ASAP2: variants seen among roughly 807,000 people sequenced by gnomAD.
ASAP2 encodes the protein ArfGAP with SH3 domain, ankyrin repeat and PH domain 2.
In ASAP2, 45 loss-of-function variants were observed where a neutral mutation model predicts 131.4. The ratio of observed to expected loss-of-function variants is 0.34; its 90% confidence interval spans 0.27 to 0.44. The LOEUF (loss-of-function observed/expected upper bound fraction) is 0.44. ASAP2 is among the 20% of genes least tolerant of loss of function. The pLI, the probability that ASAP2 is intolerant of heterozygous loss-of-function variation, is 1.00. For missense variants in ASAP2, 1,011 were observed against 1,297.0 expected (o/e 0.78, Z 3.39); for synonymous variants, 510 against 503.0 (o/e 1.01, Z -0.19).
chr2:9,374,483 AAC>A (rs1218311828), intron 16 of ASAP2, among the ~76,000 whole-genome samples: 3 of 152,178 alleles, frequency 2.0e-5, no homozygotes, highest in Non-Finnish European at 4.4e-5. Flanking sequence ...CAGATCACAG[AAC>A]TTAGGAGTGA....
Position 9,396,826 on chromosome 2 carries a change from A to C in ASAP2, c.2684+3179A>C, listed in dbSNP as rs183334131. Among the ~76,000 whole-genome samples, 11 of 152,234 alleles carry C rather than the reference A, an allele frequency of 7.2e-5. No individual in the cohort carries two copies. The East Asian group carries it at 2.1e-3, about 29-fold the overall frequency. On this transcript the variant is annotated intron_variant, in intron 24 of 27. Transcript: ENST00000281419. Reference sequence around the variant, plus strand: ...AGACCTGCATGGCCAACATGGCAAAACCCTATCTCTACTAAAATTACAAAA... The same window carrying C: ...AGACCTGCATGGCCAACATGGCAAACCCCTATCTCTACTAAAATTACAAAA...
chr2:9,334,442 G>C (rs1055675884), intron 7 of ASAP2, among the ~76,000 whole-genome samples: 3 of 152,022 alleles, frequency 2.0e-5, no homozygotes. Flanking sequence ...GGCCTTTCTG[G>C]CTTCAGATGC....
rs1042401284 is a variant in ASAP2 at position 9,279,242 on chromosome 2, C to T, written c.127-75C>T. 9.3e-6 allele frequency: 13 copies of T among 1,404,622 alleles called. No individual in the cohort carries two copies. In the African/African-American group the frequency reaches 1.4e-4, roughly 15 times the overall value. 87.0% of individuals were successfully genotyped at this position (1,404,622 alleles called of 1,614,324 possible). A position where few individuals can be genotyped will look rare whatever the true frequency, so the allele number is the denominator to read the frequency against. ...GACCTGGCAGAGGCAATCAGAGTGGCACTCAACGTGGTGCTCGCTGCTAGC... is the reference window on the plus strand; with the variant it reads ...GACCTGGCAGAGGCAATCAGAGTGGTACTCAACGTGGTGCTCGCTGCTAGC... On this transcript the variant is annotated intron_variant, in intron 1 of 27. Transcript: ENST00000281419.
At position 9,376,958 on chromosome 2, in the gene ASAP2, C is replaced by G. The variant is rs1674451467; in HGVS notation, c.1797C>G (p.Thr599=). The G allele has an allele frequency of 6.2e-7, 1 of 1,614,114 alleles. No individual in the cohort carries two copies. The highest frequency in any genetic ancestry group is 8.5e-7 in the Non-Finnish European group (1 of 1,179,992). Residue 599 remains threonine, a synonymous_variant, in exon 18 of 28, where the codon ACC becomes ACG. Transcript: ENST00000281419. Reference sequence around the variant, plus strand: ...TTGCAGTCAGATCCGTGGATCGAACCTCTCTTCACATTGTAGACTTTTTAG... The same window carrying G: ...TTGCAGTCAGATCCGTGGATCGAACGTCTCTTCACATTGTAGACTTTTTAG... The part of the protein sequence containing the change: ...LHLAVRSVDR[T]SLHIVDFLVQ...
At chr2:9,229,092 CT>C (rs779302160) in intron 1 of ASAP2, among the ~76,000 whole-genome samples, 1 of 152,140 alleles carries the variant, frequency 6.6e-6, no homozygotes, top group Non-Finnish European at 1.5e-5. Flanking sequence ...AGAGACAGGA[CT>C]CGGCAGAGAA....
chr2:9,276,288 G>A (rs574759606), intron 1 of ASAP2, among the ~76,000 whole-genome samples: 2 of 152,318 alleles, frequency 1.3e-5, no homozygotes, highest in South Asian at 4.1e-4. Flanking sequence ...CTTCTCAGGA[G>A]AGAGGAGTGT....
intron 3 of ASAP2, among the ~76,000 whole-genome samples, chr2:9,316,874 C>T (rs1183863216): frequency 2.0e-5 from 3 of 151,864 alleles, no homozygotes; most frequent in African/African-American, 7.3e-5. Context: ...TCTTGCCCTT[C>T]CTGTTCCCTT....
Position 9,297,325 on chromosome 2 carries a change from C to T in ASAP2, c.225C>T (p.Tyr75=). The change falls in exon 3 of 28, where the codon TAC becomes TAT. Residue 75 remains tyrosine (Y), a synonymous_variant. Coordinates refer to ENST00000281419, the MANE Select transcript of ASAP2 (RefSeq NM_003887.3). ...GLAHVENEEQ[Y]TQALEKFGGN... ...CTCACGTGGAAAATGAAGAGCAGTA[C>T]ACCCAGGCTCTGGAGAAGTTTGGCG... is the stretch of plus-strand genomic sequence containing the variant. The T allele has an allele frequency of 6.2e-7, 1 of 1,614,114 alleles. No individual in the cohort carries two copies. Among genetic ancestry groups the T allele is most frequent in the South Asian group, 1.1e-5 (1 of 91,076 alleles).
At chr2:9,309,169 T>C (rs1363393339) in intron 3 of ASAP2, among the ~76,000 whole-genome samples, 1 of 152,166 alleles carries the variant, frequency 6.6e-6, no homozygotes, top group Admixed American at 6.5e-5. Flanking sequence ...CCACAAATGA[T>C]CATGGCATCT....
chr2:9,293,552 T>G (rs1001707365), intron 2 of ASAP2, among the ~76,000 whole-genome samples: 4 of 152,218 alleles, frequency 2.6e-5, no homozygotes, highest in South Asian at 2.1e-4. Context: ...GTTCCTGTTT[T>G]AAGGTTGTTT....
chr2:9,295,908 T>C (rs927392230), intron 2 of ASAP2, among the ~76,000 whole-genome samples: 6 of 152,198 alleles, frequency 3.9e-5, no homozygotes, highest in Non-Finnish European at 8.8e-5. Context: ...TCATAGGTCA[T>C]AGGGATTGGC....
At position 9,323,226 on chromosome 2, in the gene ASAP2, C is replaced by T; in HGVS notation, c.576C>T (p.Arg192=). ...EIAEEMEKER[R]FFQLQMCEYL... is the part of the protein sequence containing the mutation. ...CCGAAGAGATGGAAAAGGAGAGGCG[C>T]TTCTTCCAGCTACAGATGTGCGAGG... The change falls in exon 6 of 28, where the codon CGC becomes CGT. Residue 192 remains arginine (R), a synonymous_variant. Transcript: ENST00000281419. The T allele has an allele frequency of 6.2e-7, 1 of 1,614,242 alleles. No homozygotes were observed. Among genetic ancestry groups the T allele is most frequent in the Non-Finnish European group, 8.5e-7 (1 of 1,180,042 alleles).
chr2:9,319,329 A>G (rs1246785203), intron 4 of ASAP2, among the ~76,000 whole-genome samples: 1 of 152,246 alleles, frequency 6.6e-6, no homozygotes, highest in Admixed American at 6.5e-5. Flanking sequence ...CCCATCGGGG[A>G]TGACTGGAAA....
Position 9,287,459 on chromosome 2 carries a change from C to T in ASAP2, c.199+8070C>T, listed in dbSNP as rs149144970. On this transcript the variant is annotated intron_variant, in intron 2 of 27. Transcript: ENST00000281419. ...GGGATGGAGAAACCTCCTTGTAGGA[C>T]GGATATCTGAAGGACGCGGGGCTCC... Among the ~76,000 whole-genome samples, 197 of 152,290 alleles carry T rather than the reference C, an allele frequency of 1.3e-3. 1 individual carries two copies. The highest frequency in any genetic ancestry group is 4.1e-3 in the African/African-American group (172 of 41,562).
rs111387721 is a variant in ASAP2, at chr2:9,363,651, T to C, written c.1461+4762T>C. Among the ~76,000 whole-genome samples the C allele has an allele frequency of 6.6e-3, 1,010 of 152,310 alleles. 11 individuals are homozygous for C. The highest frequency in any genetic ancestry group is 0.023 in the African/African-American group (957 of 41,568). On this transcript the variant is annotated intron_variant, in intron 15 of 27. Coordinates refer to ENST00000281419, the MANE Select transcript of ASAP2 (RefSeq NM_003887.3). ...CAGGCTGGAGTGCAGTGGTGCCATC[T>C]CGGTTCAGTGCAGCCTCTACCTCCC...
At chr2:9,336,699 G>A (rs1671228299) in intron 9 of ASAP2, among the ~76,000 whole-genome samples, 1 of 152,174 alleles carries the variant, frequency 6.6e-6, no homozygotes, top group South Asian at 2.1e-4. Context: ...AGAGAATGTA[G>A]GCCCTGACGC....
At chr2:9,309,640 C>T (rs1314783463) in intron 3 of ASAP2, among the ~76,000 whole-genome samples, 5 of 152,144 alleles carry the variant, frequency 3.3e-5, no homozygotes, top group South Asian at 4.1e-4. Context: ...ATTGTCTGTC[C>T]GTGACACTTC....
At chr2:9,323,292 C>A in intron 6 of ASAP2, 42 bp downstream of exon 6, 1 of 1,609,266 alleles carries the variant, frequency 6.2e-7, no homozygotes, top group South Asian at 1.1e-5. Context: ...CCAGGCTGTG[C>A]CGGCTCTGCC....
At chr2:9,225,312 G>A (rs2147999220) in intron 1 of ASAP2, among the ~76,000 whole-genome samples, 1 of 152,236 alleles carries the variant, frequency 6.6e-6, no homozygotes, top group African/African-American at 2.4e-5. Flanking sequence ...TCTCAGCTAG[G>A]CCAGAATACT....
Sources: gnomAD v4.1 joint callset for allele counts (sites outside exome capture counted in the v4.1 genomes callset) on GRCh38, gnomAD v4.1.1 for gene constraint, MANE v1.5 for transcripts, NCBI Gene and HGNC (gene_info 2026-07-23, HGNC 2026-07-21) for gene names.